DDX60L: variants seen among roughly 807,000 people sequenced by gnomAD.
DDX60L encodes the protein DExD/H-box 60 like.
DDX60L carries 191 observed loss-of-function variants against 211.6 expected under a neutral mutation model. The ratio of observed to expected loss-of-function variants is 0.90; its 90% CI spans 0.80 to 1.02. DDX60L has a LOEUF of 1.02. Ranked by LOEUF, DDX60L falls within the 50% of genes least tolerant of loss-of-function variation. The probability of loss-of-function intolerance (pLI) is 0.00; values close to 1 mark genes in which losing one functional copy is unlikely to be tolerated. For synonymous variants in DDX60L, 706 were observed against 694.1 expected (o/e 1.02, Z -0.27); for missense variants, 2,007 against 1,984.1 (o/e 1.01, Z -0.22).
At chr4:168,395,755 T>G in intron 27 of DDX60L, 1 of 478,222 alleles carries the variant, frequency 2.1e-6, no homozygotes, top group Non-Finnish European at 3.6e-6. Flanking sequence ...GAGGCTGACA[T>G]TCACACTGAG....
intron 5 of DDX60L, among the ~76,000 whole-genome samples, chr4:168,459,774 G>GGAAGGAAGGAA (rs1757057157): frequency 1.8e-5 from 1 of 56,918 alleles, no homozygotes; most frequent in Admixed American, 2.6e-4. Flanking sequence ...GAAGGAAGGA[G>GGAAGGAAGGAA]GGAAGGAAGG....
At chr4:168,363,662 G>A (rs1182966581) in intron 36 of DDX60L, among the ~76,000 whole-genome samples, 1 of 152,122 alleles carries the variant, frequency 6.6e-6, no homozygotes, top group African/African-American at 2.4e-5. Flanking sequence ...GACTCTTTAT[G>A]TTAGCACATG....
chr4:168,472,659 G>C, intron 2 of DDX60L, 37 bp downstream of exon 2: 1 of 1,611,704 alleles, frequency 6.2e-7, no homozygotes, highest in Non-Finnish European at 8.5e-7. Flanking sequence ...CAAGATTGTT[G>C]CTTTATAGGC....
chr4:168,452,428 T>C (rs768390089), intron 8 of DDX60L, among the ~76,000 whole-genome samples: 1 of 152,246 alleles, frequency 6.6e-6, no homozygotes, highest in African/African-American at 2.4e-5. Flanking sequence ...ACGTATTTAG[T>C]AGCCATAAAA....
intron 37 of DDX60L, among the ~76,000 whole-genome samples, chr4:168,359,563 G>T (rs1048607492): frequency 6.6e-6 from 1 of 152,046 alleles, no homozygotes; most frequent in Non-Finnish European, 1.5e-5. Flanking sequence ...TGGAATATGG[G>T]TATAGCCTCC....
Position 168,457,764 on chromosome 4 carries a change from T to C in DDX60L, c.723+128A>G, listed in dbSNP as rs549103978. 1.3e-5 allele frequency: 6 copies of C among 450,458 alleles called. No homozygotes were observed. The South Asian group carries it at 1.8e-4, about 14-fold the overall frequency. 27.9% of individuals were successfully genotyped at this position (450,458 alleles called of 1,614,324 possible). A position where few individuals can be genotyped will look rare whatever the true frequency, so the allele number is the denominator to read the frequency against. ...AGAGCATGACATTCTAAGATTCAGATAGTATACATGTACTAAGGAGGTATA... is the reference window on the plus strand; with the variant it reads ...AGAGCATGACATTCTAAGATTCAGACAGTATACATGTACTAAGGAGGTATA... On this transcript the variant is annotated intron_variant, in intron 6 of 37. Transcript: ENST00000682922.
At chr4:168,450,074 G>A (rs1193574812) in intron 8 of DDX60L, among the ~76,000 whole-genome samples, 1 of 152,108 alleles carries the variant, frequency 6.6e-6, no homozygotes, top group African/African-American at 2.4e-5. Flanking sequence ...GGCCCATGGA[G>A]GACTAACAAA....
Position 168,384,648 on chromosome 4 carries a change from A to C in DDX60L, c.4080T>G (p.Ala1360=). Reference sequence around the variant, plus strand: ...CATCCTCTGGGTCATCTCCCTTGGAAGCCAGCAGCATGAGTCGCAGGACCA... The same window carrying C: ...CATCCTCTGGGTCATCTCCCTTGGACGCCAGCAGCATGAGTCGCAGGACCA... The part of the protein sequence containing the change: ...ITLVLRLMLL[A]SKGDDPEDAK... The change falls in exon 30 of 38, where the codon GCT becomes GCG. Residue 1360 remains alanine (A), a synonymous_variant. Transcript: ENST00000682922. 1 of 1,613,996 alleles carries C rather than the reference A, an allele frequency of 6.2e-7. No homozygotes were observed. Among genetic ancestry groups the C allele is most frequent in the Non-Finnish European group, 8.5e-7 (1 of 1,179,962 alleles).
At chr4:168,381,827 G>GA (rs1379696475) in intron 30 of DDX60L, among the ~76,000 whole-genome samples, 2 of 151,970 alleles carry the variant, frequency 1.3e-5, no homozygotes, top group African/African-American at 4.8e-5. Flanking sequence ...TACTACAAAA[G>GA]AAAAAATCTC....
At chr4:168,430,787 T>A in intron 12 of DDX60L, 149 bp from the exon 13 acceptor site, 1 of 579,578 alleles carries the variant, frequency 1.7e-6, no homozygotes, top group Non-Finnish European at 2.7e-6. Flanking sequence ...AATAATTCCC[T>A]ATATTATTTG....
intron 29 of DDX60L, among the ~76,000 whole-genome samples, chr4:168,386,882 A>G (rs1011053527): frequency 6.6e-6 from 1 of 152,244 alleles, no homozygotes; most frequent in African/African-American, 2.4e-5. Context: ...GTTCATGAGC[A>G]TAAGAATATA....
intron 12 of DDX60L, 65 bp from the exon 13 acceptor site, chr4:168,430,703 C>T: frequency 8.1e-7 from 1 of 1,233,894 alleles, no homozygotes; most frequent in Non-Finnish European, 1.1e-6. Flanking sequence ...GTGTGCTACC[C>T]ACACATTATT....
intron 26 of DDX60L, among the ~76,000 whole-genome samples, chr4:168,397,067 C>T (rs557261989): frequency 1.3e-4 from 20 of 152,262 alleles, no homozygotes; most frequent in Non-Finnish European, 2.4e-4. Context: ...AGACATCCCT[C>T]GCCCCTTCCA....
intron 6 of DDX60L, among the ~76,000 whole-genome samples, chr4:168,456,846 A>T (rs192366211): frequency 6.6e-6 from 1 of 152,314 alleles, no homozygotes; most frequent in East Asian, 1.9e-4. Context: ...TGCACTCATT[A>T]GATACTACAT....
chr4:168,455,791 TTAAGAAA>T (rs1756487290), intron 7 of DDX60L, among the ~76,000 whole-genome samples: 1 of 152,212 alleles, frequency 6.6e-6, no homozygotes, highest in African/African-American at 2.4e-5. Flanking sequence ...ACATTGTATT[TTAAGAAA>T]AACACTAAAT....
chr4:168,472,650 A>G (rs1346397407), intron 2 of DDX60L, 46 bp downstream of exon 2: 1 of 1,609,266 alleles, frequency 6.2e-7, no homozygotes, highest in South Asian at 1.1e-5. Context: ...AATATCTTAC[A>G]AGATTGTTGC....
intron 22 of DDX60L, among the ~76,000 whole-genome samples, chr4:168,408,190 A>C (rs543609942): frequency 6.2e-4 from 95 of 152,346 alleles, no homozygotes; most frequent in African/African-American, 2.1e-3. Flanking sequence ...TTTGGTCTCT[A>C]GAATAATAGT....
Position 168,441,348 on chromosome 4 carries a change from G to T in DDX60L, c.1283C>A (p.Ser428Ter), listed in dbSNP as rs377140092. The change falls in exon 10 of 38, where the codon TCG becomes TAG. Residue 428 changes from serine (S) to a stop codon, truncating the protein, a stop_gained. Coordinates refer to ENST00000682922, the MANE Select transcript of DDX60L (RefSeq NM_001012967.3). LOFTEE classifies it high-confidence loss of function. ...TACCCATTTAGTACCTTGAATGACC[G>T]ATTTCTCTTGTCTAAGAAAATGTCT... ...TRRHFLRQEKSVIQEISLEKM... is the reference protein window; with the variant it reads ...TRRHFLRQEK 1 of 1,605,560 alleles carries T rather than the reference G, an allele frequency of 6.2e-7. No individual in the cohort carries two copies. Among genetic ancestry groups the T allele is most frequent in the East Asian group, 2.2e-5 (1 of 44,628 alleles).
chr4:168,415,948 G>A, intron 20 of DDX60L, 149 bp from the exon 21 acceptor site: 1 of 637,280 alleles, frequency 1.6e-6, no homozygotes, highest in Non-Finnish European at 2.4e-6. Context: ...TCAGAGCTGT[G>A]GACTTTGGGC....
Sources: gnomAD v4.1 joint callset for allele counts (sites outside exome capture counted in the v4.1 genomes callset) on GRCh38, gnomAD v4.1.1 for gene constraint, MANE v1.5 for transcripts, NCBI Gene and HGNC (gene_info 2026-07-23, HGNC 2026-07-21) for gene names.